The following COL4A1 variants were observed in gnomAD, a reference collection of about 807,000 sequenced individuals.
COL4A1 encodes collagen type IV alpha 1 chain.
A neutral mutation model predicts 216.6 loss-of-function variants in COL4A1; 40 were observed. The observed-to-expected ratio is 0.18, with a 90% CI of 0.14 to 0.24. COL4A1 has a LOEUF of 0.24. COL4A1 is among the 10% of genes least tolerant of loss of function. COL4A1 has a pLI of 1.00. For missense variants in COL4A1, 1,628 were observed against 2,196.8 expected (o/e 0.74, Z 5.18); for synonymous variants, 839 against 810.7 (o/e 1.03, Z -0.59).
intron 1 of COL4A1, among the ~76,000 whole-genome samples, chr13:110,278,016 C>T (rs759144186): frequency 5.3e-5 from 8 of 152,152 alleles, no homozygotes; most frequent in Non-Finnish European, 7.3e-5. Flanking sequence ...AAAATGATCC[C>T]AAATGGAACT....
At chr13:110,179,226 A>G (rs759481847) in intron 30 of COL4A1, 45 bp downstream of exon 30, 7 of 1,612,080 alleles carry the variant, frequency 4.3e-6, no homozygotes, top group Non-Finnish European at 5.9e-6. Flanking sequence ...AAAAATAAGC[A>G]CATCCTGTCC....
At position 110,152,486 on chromosome 13, in the gene COL4A1, T is replaced by A. The variant is rs756504354; in HGVS notation, c.4776A>T (p.Glu1592Asp). ...GGGACGCCAGGGCTTGGCCAGAGCC[T>A]TCTGCACCAGCGCTGGTGTGCTGCA... ...SFVMHTSAGAEGSGQALASPG... is the reference protein window; with the variant it reads ...SFVMHTSAGADGSGQALASPG... Residue 1592 changes from glutamate (E) to aspartate (D), a missense_variant, in exon 51 of 52, where the codon GAA (glutamate) becomes GAT (aspartate). By Grantham distance (45) the Glu-to-Asp change is conservative. This residue lies in a region of COL4A1 where 254 missense variants were observed against 300.1 expected (regional missense o/e 0.85). Transcript: ENST00000375820. 1.2e-6 allele frequency: 2 copies of A among 1,612,950 alleles called. No individual in the cohort carries two copies. Among genetic ancestry groups the A allele is most frequent in the Admixed American group, 1.7e-5 (1 of 59,982 alleles).
At chr13:110,164,746 A>G (rs746008743) in intron 46 of COL4A1, 116 bp downstream of exon 46, 2 of 1,422,854 alleles carry the variant, frequency 1.4e-6, no homozygotes, top group East Asian at 2.5e-5. Flanking sequence ...TCATATTCAT[A>G]TGTGTGTGTA....
intron 31 of COL4A1, among the ~76,000 whole-genome samples, chr13:110,178,638 G>A (rs1877999490): frequency 6.6e-6 from 1 of 152,150 alleles, no homozygotes; most frequent in Non-Finnish European, 1.5e-5. Context: ...CCTATGGAAA[G>A]ATAATATAGA....
chr13:110,201,055 G>A (rs1362746840), intron 19 of COL4A1, among the ~76,000 whole-genome samples, 166 bp from the exon 20 acceptor site: 1 of 152,114 alleles, frequency 6.6e-6, no homozygotes, highest in Non-Finnish European at 1.5e-5. Flanking sequence ...CTCTGGAAAT[G>A]CATTGCTCTC....
intron 28 of COL4A1, among the ~76,000 whole-genome samples, chr13:110,181,768 T>C (rs1878169102): frequency 6.6e-6 from 1 of 152,050 alleles, no homozygotes. Context: ...CACCATCACT[T>C]CATTAGAAAT....
chr13:110,188,497 C>T (rs1166803112), intron 24 of COL4A1, among the ~76,000 whole-genome samples: 3 of 152,188 alleles, frequency 2.0e-5, no homozygotes, highest in Non-Finnish European at 4.4e-5. Flanking sequence ...GCAAGGAAAA[C>T]ATGGAAACCA....
intron 42 of COL4A1, among the ~76,000 whole-genome samples, 160 bp downstream of exon 42, chr13:110,170,387 T>C (rs561423202): frequency 3.3e-5 from 5 of 152,342 alleles, no homozygotes; most frequent in Middle Eastern, 3.4e-3. Flanking sequence ...AAGAAAAGCT[T>C]TGACTCGATG....
chr13:110,186,547 C>T lies in COL4A1; in HGVS notation c.1735G>A (p.Val579Ile), dbSNP rs141527136. 5.1e-5 allele frequency: 82 copies of T among 1,613,882 alleles called. No individual in the cohort carries two copies. The African/African-American group carries it at 1.0e-3, about 20-fold the overall frequency. Residue 579 changes from valine to isoleucine, a missense_variant, in exon 26 of 52, where the codon GTA becomes ATA. By Grantham distance (29) the Val-to-Ile change is conservative. Transcript: ENST00000375820. Reference sequence around the variant, plus strand: ...GGGCCACGCTCTCCTTTCAATCCTACAGAACCCTGATGTGAGAAGAAGAAA... The same window carrying T: ...GGGCCACGCTCTCCTTTCAATCCTATAGAACCCTGATGTGAGAAGAAGAAA... ...LPGPKGSPGS[V>I]GLKGERGPPG...
Position 110,156,103 on chromosome 13 carries a change from C to G in COL4A1, c.4641-706G>C, listed in dbSNP as rs573598237. The stretch of plus-strand genomic sequence containing the variant: ...TATTGTTTAAAAAATAGATCCAACA[C>G]GAGTTATTTAACTGTCTGTCTTGTA... On this transcript the variant is annotated intron_variant, in intron 49 of 51. Transcript: ENST00000375820. Among the ~76,000 whole-genome samples the G allele has an allele frequency of 5.9e-5, 9 of 152,296 alleles. No homozygotes were observed. In the East Asian group the frequency reaches 1.7e-3, roughly 29 times the overall value.
Position 110,162,345 on chromosome 13 carries a change from G to T in COL4A1, c.4347C>A (p.Thr1449=), listed in dbSNP as rs1170553747. ...TPSVDHGFLV[T]RHSQTIDDPQ... ...GGTCATCTATTGTTTGACTATGCCT[G>T]GTCACAAGGAAGCCGTGATCAACAG... The change falls in exon 48 of 52, where the codon ACC becomes ACA. Residue 1449 remains threonine, a synonymous_variant. Coordinates refer to ENST00000375820, the MANE Select transcript of COL4A1 (RefSeq NM_001845.6). The T allele has an allele frequency of 1.2e-6, 2 of 1,614,184 alleles. No individual in the cohort carries two copies. Among genetic ancestry groups the T allele is most frequent in the Admixed American group, 3.3e-5 (2 of 60,032 alleles).
intron 1 of COL4A1, among the ~76,000 whole-genome samples, chr13:110,289,699 T>C (rs981028572): frequency 6.6e-6 from 1 of 152,186 alleles, no homozygotes; most frequent in Non-Finnish European, 1.5e-5. Flanking sequence ...CAAAAGCGCA[T>C]AGAGAATACC....
At chr13:110,256,679 C>T (rs1355840078) in intron 1 of COL4A1, among the ~76,000 whole-genome samples, 1 of 152,132 alleles carries the variant, frequency 6.6e-6, no homozygotes, top group Non-Finnish European at 1.5e-5. Flanking sequence ...GGAGGTCGGC[C>T]ATGGGGTGAG....
chr13:110,213,659 G>T, intron 4 of COL4A1, 123 bp downstream of exon 4: 2 of 982,088 alleles, frequency 2.0e-6, no homozygotes, highest in Non-Finnish European at 3.2e-6. Flanking sequence ...TGCCCGTGCT[G>T]TGTGAGCTGG....
In COL4A1 at chr13:110,186,468, G is replaced by A; in HGVS notation, c.1814C>T (p.Pro605Leu). 1 of 1,613,658 alleles carries A rather than the reference G, an allele frequency of 6.2e-7. No homozygotes were observed. The highest frequency in any genetic ancestry group is 1.1e-5 in the South Asian group (1 of 91,066). Residue 605 changes from proline (P) to leucine (L), a missense_variant, in exon 26 of 52, where the codon CCT becomes CTT. Pro to Leu is a moderately conservative substitution (Grantham distance 98, BLOSUM62 -3). Around this residue, in one of 8 missense-constraint regions of COL4A1, gnomAD observed 701 missense variants for 892.5 expected, o/e 0.79. Transcript: ENST00000375820. ...GSRGDTGPPG[P>L]PGYGPAGPIG... The stretch of plus-strand genomic sequence containing the variant: ...GGGACCAGCAGGACCATATCCTGGA[G>A]GCCCAGGGGGGCCGGTGTCACCACG...
chr13:110,190,038 G>A (rs935847987), intron 24 of COL4A1, among the ~76,000 whole-genome samples: 1 of 152,066 alleles, frequency 6.6e-6, no homozygotes, highest in African/African-American at 2.4e-5. Context: ...ATTATTTTAT[G>A]GTGATTACTC....
intron 1 of COL4A1, among the ~76,000 whole-genome samples, chr13:110,265,095 G>A (rs994640474): frequency 2.6e-5 from 4 of 152,300 alleles, no homozygotes; most frequent in East Asian, 1.9e-4. Flanking sequence ...AGACCTTCTC[G>A]CTGCCTTCTC....
intron 2 of COL4A1, among the ~76,000 whole-genome samples, chr13:110,221,494 C>T (rs1377372634): frequency 6.6e-6 from 1 of 152,140 alleles, no homozygotes; most frequent in Admixed American, 6.5e-5. Context: ...GTCCCCGATC[C>T]AGTAAAAATG....
chr13:110,291,033 C>T (rs1018721864), intron 1 of COL4A1, among the ~76,000 whole-genome samples: 1 of 152,214 alleles, frequency 6.6e-6, no homozygotes, highest in Admixed American at 6.5e-5. Context: ...GGGGGCTGTC[C>T]TGACCTGAAT....
Sources: allele counts gnomAD v4.1 joint callset (sites outside exome capture counted in the v4.1 genomes callset), GRCh38; gene constraint gnomAD v4.1.1; regional missense constraint gnomAD v4.1.1; transcripts MANE v1.5; gene names NCBI Gene and HGNC (gene_info 2026-07-23, HGNC 2026-07-21).